KSR2: variants seen among roughly 807,000 people sequenced by gnomAD.
KSR2 encodes the protein kinase suppressor of ras 2.
A neutral mutation model predicts 107.8 loss-of-function variants in KSR2; 25 were observed. That is an observed-to-expected ratio of 0.23 (90% CI 0.17 to 0.32). The LOEUF is 0.32. Among genes scored for constraint, KSR2 ranks in the 10% least tolerant of loss-of-function variants. The pLI is 1.00. For missense variants in KSR2, 887 were observed against 1,268.9 expected (o/e 0.70, Z 4.57); for synonymous variants, 480 against 507.0 (o/e 0.95, Z 0.71).
chr12:117,469,265 G>A (rs1696022210), intron 19 of KSR2, among the ~76,000 whole-genome samples: 1 of 152,164 alleles, frequency 6.6e-6, no homozygotes, highest in Admixed American at 6.5e-5. Flanking sequence ...CCATGACAGG[G>A]GCAGGCTGCT....
At chr12:117,844,884 T>G (rs4767630) in intron 3 of KSR2, among the ~76,000 whole-genome samples, 1 of 152,136 alleles carries the variant, frequency 6.6e-6, no homozygotes, top group Non-Finnish European at 1.5e-5. Context: ...CAGTGGCTCA[T>G]GCCTGTAATC....
intron 4 of KSR2, among the ~76,000 whole-genome samples, chr12:117,725,587 A>C (rs893095547): frequency 1.3e-5 from 2 of 152,242 alleles, no homozygotes; most frequent in Admixed American, 6.5e-5. Flanking sequence ...AGCTGCTAAA[A>C]GAAAATAGAA....
At position 117,458,027 on chromosome 12, in the gene KSR2, T is replaced by C. The variant is rs1870705289; in HGVS notation, c.*9172A>G. 1 of 152,240 alleles carries C rather than the reference T, an allele frequency of 6.6e-6. No individual in the cohort carries two copies. The highest frequency in any genetic ancestry group is 1.9e-4 in the East Asian group (1 of 5,194). 9.4% of individuals were successfully genotyped at this position (152,240 alleles called of 1,614,324 possible). A position where few individuals can be genotyped will look rare whatever the true frequency, so the allele number is the denominator to read the frequency against. ...ATATATTTGTGGTTGACTTGCTTCTTGTCTCTCTTCCCCATTGGGCTTTAG... is the reference window on the plus strand; with the variant it reads ...ATATATTTGTGGTTGACTTGCTTCTCGTCTCTCTTCCCCATTGGGCTTTAG... On this transcript the variant is annotated 3_prime_UTR_variant, in exon 20 of 20. Coordinates refer to ENST00000339824, the MANE Select transcript of KSR2 (RefSeq NM_173598.6).
At chr12:117,694,744 C>CA (rs1267233170) in intron 4 of KSR2, among the ~76,000 whole-genome samples, 1 of 149,852 alleles carries the variant, frequency 6.7e-6, no homozygotes, top group African/African-American at 2.5e-5. Flanking sequence ...CAGCCTTAGA[C>CA]AAAAAAGGAA....
intron 1 of KSR2, among the ~76,000 whole-genome samples, chr12:117,938,176 G>A (rs1593385925): frequency 2.0e-5 from 3 of 152,058 alleles, no homozygotes; most frequent in Admixed American, 1.3e-4. Context: ...CCAGATCCAC[G>A]ACGTGAAGGC....
intron 3 of KSR2, among the ~76,000 whole-genome samples, chr12:117,801,379 T>G (rs1224509196): frequency 2.0e-5 from 3 of 151,888 alleles, no homozygotes; most frequent in Non-Finnish European, 4.4e-5. Flanking sequence ...TCCACCCACC[T>G]TGGCCTCCCA....
At chr12:117,693,886 C>T (rs770663584) in intron 4 of KSR2, among the ~76,000 whole-genome samples, 7 of 152,326 alleles carry the variant, frequency 4.6e-5, no homozygotes, top group African/African-American at 1.7e-4. Flanking sequence ...CATGCTCTGA[C>T]GCCTATGCCC....
rs533964239 is a variant in KSR2 at position 117,671,319 on chromosome 12, G to A, written c.987-3661C>T. Among the ~76,000 whole-genome samples, 85 of 152,160 alleles carry A rather than the reference G, an allele frequency of 5.6e-4. 3 individuals are homozygous for A. The South Asian group carries it at 0.015, about 27-fold the overall frequency. On this transcript the variant is annotated intron_variant, in intron 4 of 19. Coordinates refer to ENST00000339824, the MANE Select transcript of KSR2 (RefSeq NM_173598.6). Reference sequence around the variant, plus strand: ...GTTCCTTCTCAGTTCTCTCTCTCTCGATTGATTGATCATTAGATAGATAGA... The same window carrying A: ...GTTCCTTCTCAGTTCTCTCTCTCTCAATTGATTGATCATTAGATAGATAGA...
chr12:117,713,012 TATAG>T (rs1318356531), intron 4 of KSR2, among the ~76,000 whole-genome samples: 2 of 150,448 alleles, frequency 1.3e-5, no homozygotes, highest in African/African-American at 4.9e-5. Flanking sequence ...GATGTATCTA[TATAG>T]AGAGAAATAT....
intron 18 of KSR2, among the ~76,000 whole-genome samples, 183 bp downstream of exon 18, chr12:117,471,008 A>G (rs1871419711): frequency 6.6e-6 from 1 of 152,226 alleles, no homozygotes; most frequent in Admixed American, 6.5e-5. Context: ...CTGAAATTGC[A>G]GGCACAGTGC....
At position 117,604,142 on chromosome 12, in the gene KSR2, A is replaced by G. The variant is rs576107296; in HGVS notation, c.1172-21783T>C. Among the ~76,000 whole-genome samples the G allele has an allele frequency of 1.4e-4, 22 of 152,294 alleles. No individual in the cohort carries two copies. In the South Asian group the frequency reaches 3.1e-3, roughly 22 times the overall value. On this transcript the variant is annotated intron_variant, in intron 5 of 19. Coordinates refer to ENST00000339824, the MANE Select transcript of KSR2 (RefSeq NM_173598.6). ...TTGAAGGGGCATGCGGCTCAGCTGC[A>G]CATGTGCACAGTTCTCCTTTCATAA...
intron 1 of KSR2, among the ~76,000 whole-genome samples, chr12:117,931,502 AG>A (rs1384827989): frequency 2.0e-5 from 3 of 152,194 alleles, no homozygotes; most frequent in Non-Finnish European, 2.9e-5. Flanking sequence ...TCTTGAGTCA[AG>A]ACTGCCACAG....
intron 3 of KSR2, among the ~76,000 whole-genome samples, chr12:117,831,120 G>A (rs1440860318): frequency 6.6e-6 from 1 of 152,138 alleles, no homozygotes; most frequent in Non-Finnish European, 1.5e-5. Flanking sequence ...ATATGCCCTT[G>A]CCGCTTTAAA....
At position 117,482,175 on chromosome 12, in the gene KSR2, C is replaced by A. The variant is rs140616638; in HGVS notation, c.2450+2241G>T. On this transcript the variant is annotated intron_variant, in intron 16 of 19. Transcript: ENST00000339824. ...AGCCCAATGTAGTCAAGCAGAGAGG[C>A]TGCATGAAGAGGGAAAAGCAGGGAG... 8.2e-3 allele frequency among the ~76,000 whole-genome samples: 1,246 copies of A among 151,984 alleles called. 22 individuals are homozygous for A. The highest frequency in any genetic ancestry group is 0.028 in the African/African-American group (1,169 of 41,452).
intron 1 of KSR2, among the ~76,000 whole-genome samples, chr12:117,949,388 T>C (rs1203442506): frequency 1.3e-5 from 2 of 151,774 alleles, no homozygotes; most frequent in African/African-American, 4.8e-5. Flanking sequence ...CCAGGATACA[T>C]AAATAACTCT....
intron 1 of KSR2, among the ~76,000 whole-genome samples, chr12:117,896,261 A>G (rs572957789): frequency 1.6e-4 from 24 of 152,346 alleles, no homozygotes; most frequent in African/African-American, 5.5e-4. Context: ...GCTGAGTGAA[A>G]GAAGCCAGAC....
At chr12:117,715,443 A>T (rs1362143369) in intron 4 of KSR2, among the ~76,000 whole-genome samples, 1 of 152,262 alleles carries the variant, frequency 6.6e-6, no homozygotes, top group Non-Finnish European at 1.5e-5. Context: ...GCTGGAGCCC[A>T]GAGAAAGATG....
rs542595943 is a variant in KSR2 at position 117,811,440 on chromosome 12, C to T, written c.472+43988G>A. 6.6e-5 allele frequency among the ~76,000 whole-genome samples: 10 copies of T among 152,334 alleles called. No individual in the cohort carries two copies. The East Asian group carries it at 1.5e-3, about 24-fold the overall frequency. ...TGAGGACTTGCTATTAATGCAGATT[C>T]CCAGGCCCCGCCCCAGACATATGGA... On this transcript the variant is annotated intron_variant, in intron 3 of 19. Coordinates refer to ENST00000339824, the MANE Select transcript of KSR2 (RefSeq NM_173598.6).
intron 7 of KSR2, among the ~76,000 whole-genome samples, chr12:117,578,715 A>G (rs1879449866): frequency 6.6e-6 from 1 of 152,168 alleles, no homozygotes; most frequent in African/African-American, 2.4e-5. Context: ...GTTTTTGCAA[A>G]TAAAGTTTTA....
Sources: allele counts gnomAD v4.1 joint callset (sites outside exome capture counted in the v4.1 genomes callset), GRCh38; gene constraint gnomAD v4.1.1; transcripts MANE v1.5; gene names NCBI Gene and HGNC (gene_info 2026-07-23, HGNC 2026-07-21).